Variants in PTPN4 observed in about 807,000 individuals in gnomAD.
PTPN4 encodes the protein tyrosine-protein phosphatase non-receptor type 4.
Under a neutral mutation model 135.5 loss-of-function variants are expected in PTPN4, and 49 were observed. The ratio of observed to expected loss-of-function variants is 0.36; its 90% CI spans 0.29 to 0.46. The LOEUF (loss-of-function observed/expected upper bound fraction) is 0.46, where lower values mean the gene tolerates loss of function less well. PTPN4 is among the 20% of genes least tolerant of loss of function. The probability of loss-of-function intolerance (pLI) is 1.00; values close to 1 mark genes in which losing one functional copy is unlikely to be tolerated. For missense variants in PTPN4, 860 were observed against 1,101.0 expected (o/e 0.78, Z 3.10); for synonymous variants, 333 against 369.9 (o/e 0.90, Z 1.14).
chr2:119,937,487 G>A (rs1678999676), intron 15 of PTPN4, among the ~76,000 whole-genome samples: 1 of 152,210 alleles, frequency 6.6e-6, no homozygotes. Context: ...CTACAACACA[G>A]CATGTGAATT....
chr2:119,794,593 C>T (rs1329698376), intron 1 of PTPN4, among the ~76,000 whole-genome samples: 1 of 152,200 alleles, frequency 6.6e-6, no homozygotes, highest in African/African-American at 2.4e-5. Flanking sequence ...CACCTGGAAG[C>T]TTGGAGATGC....
chr2:119,820,568 G>T (rs937674346), intron 2 of PTPN4, among the ~76,000 whole-genome samples: 1 of 152,176 alleles, frequency 6.6e-6, no homozygotes, highest in African/African-American at 2.4e-5. Flanking sequence ...CCAGATGCTG[G>T]TGTTGGTGTT....
At chr2:119,798,251 C>T (rs1364957857) in intron 1 of PTPN4, among the ~76,000 whole-genome samples, 2 of 151,720 alleles carry the variant, frequency 1.3e-5, no homozygotes. Flanking sequence ...ACTGCAACCT[C>T]CGCCTTCCAG....
intron 25 of PTPN4, 67 bp downstream of exon 25, chr2:119,965,712 A>G: frequency 1.3e-6 from 2 of 1,516,236 alleles, no homozygotes; most frequent in Non-Finnish European, 1.8e-6. Context: ...AAGAGAGTAC[A>G]TATTTTGTCC....
rs1218813605 is a variant in PTPN4, at chr2:119,760,156, G to C, written c.-246G>C. 10 of 393,048 alleles carry C rather than the reference G, an allele frequency of 2.5e-5. No individual in the cohort carries two copies. The highest frequency in any genetic ancestry group is 4.0e-5 in the Non-Finnish European group (9 of 222,780). 24.3% of individuals were successfully genotyped at this position (393,048 alleles called of 1,614,324 possible). ...CTGCAGGGAGGTAGGAGAGGTCGCC[G>C]GCTGCCCGCCTCCCTGCCACCTCCC... On this transcript the variant is annotated 5_prime_UTR_variant, in exon 1 of 27. Coordinates refer to ENST00000263708, the MANE Select transcript of PTPN4 (RefSeq NM_002830.4).
rs550176953 is a variant in PTPN4 at position 119,793,693 on chromosome 2, A to G, written c.-17-16144A>G. On this transcript the variant is annotated intron_variant, in intron 1 of 26. Transcript: ENST00000263708. ...TAATTTGGGGAACTAATAAATGTCCATGAAATCTTCACAATTTGTGTTCTT... is the reference window on the plus strand; with the variant it reads ...TAATTTGGGGAACTAATAAATGTCCGTGAAATCTTCACAATTTGTGTTCTT... Among the ~76,000 whole-genome samples the G allele has an allele frequency of 2.6e-5, 4 of 152,290 alleles. 1 individual carries two copies. Among genetic ancestry groups the G allele is most frequent in the African/African-American group, 9.6e-5 (4 of 41,560 alleles).
chr2:119,895,789 C>T (rs1285445451), intron 9 of PTPN4, among the ~76,000 whole-genome samples: 5 of 151,388 alleles, frequency 3.3e-5, no homozygotes, highest in Non-Finnish European at 5.9e-5. Flanking sequence ...GGCGCGGTGG[C>T]GGGCTCAGTC....
chr2:119,801,571 T>A (rs1019719431), intron 1 of PTPN4, among the ~76,000 whole-genome samples: 2 of 152,146 alleles, frequency 1.3e-5, no homozygotes, highest in Non-Finnish European at 1.5e-5. Flanking sequence ...TTTTCTTCAA[T>A]TTTTTTATCA....
chr2:119,925,171 A>C (rs1310210725), intron 12 of PTPN4, among the ~76,000 whole-genome samples: 1 of 152,148 alleles, frequency 6.6e-6, no homozygotes, highest in African/African-American at 2.4e-5. Flanking sequence ...CTTTCTCACT[A>C]TACCCTATCC....
chr2:119,844,349 ACCCCC>A (rs368879771), intron 2 of PTPN4, among the ~76,000 whole-genome samples: 8 of 113,958 alleles, frequency 7.0e-5, no homozygotes, highest in South Asian at 3.2e-4. Flanking sequence ...CGGGGGGCTG[ACCCCC>A]CCCCCCCACC....
At chr2:119,816,468 T>G (rs981177234) in intron 2 of PTPN4, among the ~76,000 whole-genome samples, 5 of 152,180 alleles carry the variant, frequency 3.3e-5, no homozygotes, top group Non-Finnish European at 7.3e-5. Flanking sequence ...AGGAACCGGT[T>G]TCATGGAAGA....
intron 12 of PTPN4, among the ~76,000 whole-genome samples, chr2:119,921,194 C>T (rs537913025): frequency 1.3e-4 from 19 of 151,904 alleles, no homozygotes; most frequent in Admixed American, 2.6e-4. Flanking sequence ...GGCTGAGGCA[C>T]GAGAATTGCT....
At chr2:119,859,865 A>G (rs1021351769) in intron 2 of PTPN4, among the ~76,000 whole-genome samples, 1 of 152,184 alleles carries the variant, frequency 6.6e-6, no homozygotes, top group Non-Finnish European at 1.5e-5. Context: ...AGAAGGGCTC[A>G]GTTTTTTTCC....
At chr2:119,921,006 C>T (rs759685341) in intron 12 of PTPN4, among the ~76,000 whole-genome samples, 5 of 152,118 alleles carry the variant, frequency 3.3e-5, no homozygotes, top group Admixed American at 1.3e-4. Flanking sequence ...CTTGGCCAGT[C>T]GCAATGGCTC....
At chr2:119,805,409 T>C (rs1294219100) in intron 1 of PTPN4, among the ~76,000 whole-genome samples, 3 of 152,186 alleles carry the variant, frequency 2.0e-5, no homozygotes, top group Non-Finnish European at 4.4e-5. Context: ...TCTTCTAGGG[T>C]TTTTATGGTT....
At chr2:119,823,518 C>T (rs1162542636) in intron 2 of PTPN4, among the ~76,000 whole-genome samples, 1 of 152,208 alleles carries the variant, frequency 6.6e-6, no homozygotes, top group Admixed American at 6.5e-5. Flanking sequence ...CAGGCGTGAG[C>T]CACCGTGCCC....
chr2:119,768,493 C>G (rs1574323077), intron 1 of PTPN4, among the ~76,000 whole-genome samples: 3 of 152,174 alleles, frequency 2.0e-5, no homozygotes, highest in Admixed American at 1.3e-4. Context: ...GAATCTGTTT[C>G]TATGCCTATG....
intron 2 of PTPN4, among the ~76,000 whole-genome samples, chr2:119,827,407 A>G (rs1307812005): frequency 6.6e-6 from 1 of 152,234 alleles, no homozygotes; most frequent in African/African-American, 2.4e-5. Context: ...TCAGCATTAC[A>G]TGAGAGTCTC....
chr2:119,789,624 A>T (rs1691106166), intron 1 of PTPN4, among the ~76,000 whole-genome samples: 2 of 151,774 alleles, frequency 1.3e-5, no homozygotes, highest in African/African-American at 4.8e-5. Context: ...ATCTCAGAGG[A>T]TTTTCTGATT....
Sources: allele counts gnomAD v4.1 joint callset (sites outside exome capture counted in the v4.1 genomes callset), GRCh38; gene constraint gnomAD v4.1.1; transcripts MANE v1.5; gene names NCBI Gene and HGNC (gene_info 2026-07-23, HGNC 2026-07-21).